TREH: variants seen among roughly 807,000 people sequenced by gnomAD.
TREH encodes trehalase, also known as alpha,alpha-trehalose glucohydrolase.
Under a neutral mutation model 80.5 loss-of-function variants are expected in TREH, and 69 were observed. The observed-to-expected ratio is 0.86, with a 90% CI of 0.71 to 1.05. The LOEUF (loss-of-function observed/expected upper bound fraction) is 1.05. Among genes scored for constraint, TREH ranks in the 50% least tolerant of loss-of-function variants. The pLI, the probability that TREH is intolerant of heterozygous loss-of-function variation, is 0.00. For missense variants in TREH, 716 were observed against 718.8 expected, an observed-to-expected ratio of 1.00 and a Z score of 0.04; for synonymous variants, 309 against 293.5, an observed-to-expected ratio of 1.05 and a Z score of -0.54.
In TREH at chr11:118,658,952, G is replaced by A. The variant is rs782110462; in HGVS notation, c.1498C>T (p.Arg500Ter). The part of the protein sequence containing the change: ...VAFQLAQNWI[R>*]TNFDVYSQKS... ...TGCGAGTAGACATCAAAATTGGTTCGGATCCAATTCTGAGCCAGCTGGAAA... is the reference window on the plus strand; with the variant it reads ...TGCGAGTAGACATCAAAATTGGTTCAGATCCAATTCTGAGCCAGCTGGAAA... The change falls in exon 13 of 15, where the codon CGA (arginine) becomes TGA (stop). Residue 500 changes from arginine to a stop codon, truncating the protein, a stop_gained. Coordinates refer to ENST00000264029, the MANE Select transcript of TREH (RefSeq NM_007180.3). LOFTEE classifies it high-confidence loss of function. 8.7e-6 allele frequency: 14 copies of A among 1,613,802 alleles called. No homozygotes were observed. The highest frequency in any genetic ancestry group is 1.6e-4 in the Middle Eastern group (1 of 6,082).
rs372136327 is a variant in TREH at position 118,661,315 on chromosome 11, C to T, written c.735-33G>A. On this transcript the variant is annotated intron_variant, in intron 7 of 14. Coordinates refer to ENST00000264029, the MANE Select transcript of TREH (RefSeq NM_007180.3). The surrounding 1 kb of genome is among the most constrained non-coding windows in gnomAD (Gnocchi z 4.2). ...GAAGCAGACAACACCTCAGCCCAGG[C>T]GTGCTGCCCATCCCCAGCCCTGAGA... The T allele has an allele frequency of 1.9e-5, 30 of 1,613,832 alleles. 1 individual carries two copies. The highest frequency in any genetic ancestry group is 1.2e-4 in the South Asian group (11 of 91,086).
chr11:118,661,827 C>T lies in TREH; in HGVS notation c.524+63G>A, dbSNP rs1182515651. ...GCCCTGCTGAAGACACCCTGCTGGC[C>T]CTGGGTTTCTCCACCACTGCCAGTC... On this transcript the variant is annotated intron_variant, in intron 5 of 14. Transcript: ENST00000264029. The surrounding 1 kb of genome is among the most constrained non-coding windows in gnomAD (Gnocchi z 4.2). The T allele has an allele frequency of 2.5e-6, 4 of 1,583,826 alleles. No individual in the cohort carries two copies. In the East Asian group the frequency reaches 6.9e-5, roughly 27 times the overall value.
chr11:118,676,322 A>T, intron 1 of TREH, among the ~76,000 whole-genome samples: 1 of 152,206 alleles, frequency 6.6e-6, no homozygotes, highest in Non-Finnish European at 1.5e-5. Context: ...AAAAAATACA[A>T]AAATTAGCCA....
At chr11:118,665,894 G>C (rs1030203873) in intron 1 of TREH, among the ~76,000 whole-genome samples, 1 of 152,202 alleles carries the variant, frequency 6.6e-6, no homozygotes, top group Admixed American at 6.5e-5. Flanking sequence ...ATGTGGATCA[G>C]CACAGTGGCC....
At chr11:118,658,819 G>T (rs1466434501) in intron 13 of TREH, 86 bp from the exon 14 acceptor site, 4 of 1,609,802 alleles carry the variant, frequency 2.5e-6, no homozygotes, top group Non-Finnish European at 3.4e-6. Context: ...GGGAGAAGCT[G>T]CTCTGCCTGC....
rs745930 is a variant in TREH, at chr11:118,658,043, G to T, written c.*246C>A. Reference sequence around the variant, plus strand: ...GGACTACGGAAGTGAGTGGAAGGCCGGTGTGGGGCTTGGCGCTGAGGCACT... The same window carrying T: ...GGACTACGGAAGTGAGTGGAAGGCCTGTGTGGGGCTTGGCGCTGAGGCACT... On this transcript the variant is annotated 3_prime_UTR_variant, in exon 15 of 15. Transcript: ENST00000264029. 0.012 allele frequency: 6,416 copies of T among 545,116 alleles called. 301 individuals are homozygous for T. The highest frequency in any genetic ancestry group is 0.11 in the African/African-American group (5,670 of 53,370). 33.8% of individuals were successfully genotyped at this position (545,116 alleles called of 1,614,324 possible).
In TREH at chr11:118,660,658, A is replaced by G. The variant is rs200440695; in HGVS notation, c.983T>C (p.Ile328Thr). 6,804 of 1,606,018 alleles carry G rather than the reference A, an allele frequency of 4.2e-3. 15 individuals are homozygous for G. The highest frequency in any genetic ancestry group is 5.5e-3 in the Middle Eastern group (33 of 6,052). ...SGWDFSSRWL[I>T]GGPNPNSLSG... is the part of the protein sequence containing the mutation. ...AAGCGAGTTGGGGTTTGGGCCTCCA[A>G]TGAGCCAGCGTGAAGAGAAGTCCCA... The change falls in exon 10 of 15, where the codon ATT (isoleucine) becomes ACT (threonine). Residue 328 changes from isoleucine (I) to threonine (T), a missense_variant. By Grantham distance (89) the Ile-to-Thr change is moderately conservative. Transcript: ENST00000264029.
intron 2 of TREH, 39 bp from the exon 3 acceptor site, chr11:118,663,235 A>C (rs782187074): frequency 6.4e-7 from 1 of 1,569,676 alleles, no homozygotes; most frequent in Non-Finnish European, 8.6e-7. Context: ...GCAGGGTGTC[A>C]CAAGCCACTC....
rs1949341256 is a variant in TREH, at chr11:118,662,977, A to G, written c.336-9T>C. 6.2e-7 allele frequency: 1 copy of G among 1,612,238 alleles called. No homozygotes were observed. Among genetic ancestry groups the G allele is most frequent in the Non-Finnish European group, 8.5e-7 (1 of 1,178,976 alleles). On this transcript the variant is annotated splice_polypyrimidine_tract_variant and intron_variant, in intron 3 of 14. Transcript: ENST00000264029. ...TCTGCAGGAACTGGGGGCTGAAAGA[A>G]CACAGGCCCCACAGGGTTCAAGGAG... is the stretch of plus-strand genomic sequence containing the variant.
chr11:118,679,632 G>GCTGTGA lies in TREH; in HGVS notation c.-11_-6dup, dbSNP rs1376514034. On this transcript the variant is annotated 5_prime_UTR_variant, in exon 1 of 15. Coordinates refer to ENST00000264029, the MANE Select transcript of TREH (RefSeq NM_007180.3). ...CTCCCAGGTCCTCCCTGGCATGGTG[G>GCTGTGA]CTGTGACTGTGACTGAATGAGCAAG... 6.7e-7 allele frequency: 1 copy of GCTGTGA among 1,500,990 alleles called. No individual in the cohort carries two copies. The highest frequency in any genetic ancestry group is 1.4e-5 in the African/African-American group (1 of 71,846). 93.0% of individuals were successfully genotyped at this position (1,500,990 alleles called of 1,614,324 possible). A position where few individuals can be genotyped will look rare whatever the true frequency, so the allele number is the denominator to read the frequency against.
In TREH at chr11:118,661,490, C is replaced by T. The variant is rs576344800; in HGVS notation, c.637G>A (p.Gly213Ser). 4 of 1,613,552 alleles carry T rather than the reference C, an allele frequency of 2.5e-6. No individual in the cohort carries two copies. The highest frequency in any genetic ancestry group is 2.7e-5 in the African/African-American group (2 of 75,020). ...LVKTYGHVPN[G>S]GRVYYLQRSQ... ...CGCTGCAGGTAGTACACGCGCCCACCATTGGGGACATGCCCATAGCTGCCA... is the reference window on the plus strand; with the variant it reads ...CGCTGCAGGTAGTACACGCGCCCACTATTGGGGACATGCCCATAGCTGCCA... Residue 213 changes from glycine (G) to serine (S), a missense_variant, in exon 7 of 15, where the codon GGT (glycine) becomes AGT (serine). Physicochemically the swap from Gly to Ser is moderately conservative, Grantham distance 56. Transcript: ENST00000264029. This position sits in a 1 kb window ranked among gnomAD's most constrained non-coding sequence, Gnocchi z 4.2.
chr11:118,678,974 C>A (rs1481911228), intron 1 of TREH, among the ~76,000 whole-genome samples: 1 of 152,182 alleles, frequency 6.6e-6, no homozygotes, highest in Non-Finnish European at 1.5e-5. Context: ...GAGAAGAGGC[C>A]TGCACAGTTC....
chr11:118,676,920 A>G (rs1555146929), intron 1 of TREH, among the ~76,000 whole-genome samples: 3 of 152,246 alleles, frequency 2.0e-5, no homozygotes, highest in Non-Finnish European at 2.9e-5. Flanking sequence ...ATTCCTCATT[A>G]TACAAGAAGT....
intron 1 of TREH, among the ~76,000 whole-genome samples, chr11:118,665,957 G>A (rs1555145632): frequency 6.6e-6 from 1 of 152,182 alleles, no homozygotes; most frequent in African/African-American, 2.4e-5. Flanking sequence ...TCAATGATAG[G>A]CCGGGCGCGG....
chr11:118,663,889 G>A (rs1555145460), intron 1 of TREH, among the ~76,000 whole-genome samples: 2 of 152,144 alleles, frequency 1.3e-5, no homozygotes, highest in Non-Finnish European at 2.9e-5. Flanking sequence ...GGCCATTTGA[G>A]AGACAATTAC....
chr11:118,662,929 A>G lies in TREH; in HGVS notation c.375T>C (p.Arg125=). The part of the protein sequence containing the change: ...FLQKISDAKL[R]AWAGQLHQLW... ...GCTGATGCAGCTGCCCTGCCCAGGC[A>G]CGCAGTTTGGCATCTGAAATCTTCT... The change falls in exon 4 of 15, where the codon CGT becomes CGC. Residue 125 remains arginine (R), a synonymous_variant. Coordinates refer to ENST00000264029, the MANE Select transcript of TREH (RefSeq NM_007180.3). The G allele has an allele frequency of 2.5e-6, 4 of 1,610,376 alleles. No homozygotes were observed. The highest frequency in any genetic ancestry group is 3.4e-6 in the Non-Finnish European group (4 of 1,178,266).
rs1335087371 is a variant in TREH, at chr11:118,661,629, C to T, written c.617+8G>A. 1 of 1,613,806 alleles carries T rather than the reference C, an allele frequency of 6.2e-7. No individual in the cohort carries two copies. The highest frequency in any genetic ancestry group is 8.5e-7 in the Non-Finnish European group (1 of 1,179,880). ...CCACCTAGGCTGGAGGTGCCTGGCC[C>T]CCCTCACGTTTTCACCAGGTCCAAG... On this transcript the variant is annotated splice_region_variant and intron_variant, in intron 6 of 14. Transcript: ENST00000264029. The surrounding 1 kb of genome is among the most constrained non-coding windows in gnomAD (Gnocchi z 4.2).
At chr11:118,670,927 C>A (rs1949424739) in intron 1 of TREH, among the ~76,000 whole-genome samples, 1 of 152,168 alleles carries the variant, frequency 6.6e-6, no homozygotes, top group Admixed American at 6.5e-5. Flanking sequence ...TGCATGGATT[C>A]ATTCATTTAT....
At chr11:118,660,425 C>T (rs774102934) in intron 10 of TREH, 114 bp downstream of exon 10, 22 of 1,144,234 alleles carry the variant, frequency 1.9e-5, no homozygotes, top group Admixed American at 1.5e-4. Context: ...GGGCGGGGCT[C>T]GACAGGCTAA....
Sources: allele counts gnomAD v4.1 joint callset (sites outside exome capture counted in the v4.1 genomes callset), GRCh38; gene constraint gnomAD v4.1.1; non-coding constraint Gnocchi (gnomAD v3.1); transcripts MANE v1.5; gene names NCBI Gene and HGNC (gene_info 2026-07-23, HGNC 2026-07-21).